Variants in MCTP1 observed in about 807,000 individuals in gnomAD.
The protein encoded by MCTP1 is multiple C2 and transmembrane domain-containing protein 1.
A neutral mutation model predicts 120.6 loss-of-function variants in MCTP1; 69 were observed. The ratio of observed to expected loss-of-function variants is 0.57; its 90% CI spans 0.47 to 0.70. MCTP1 has a LOEUF of 0.70. MCTP1 is among the 30% of genes least tolerant of loss of function. The pLI, the probability that MCTP1 is intolerant of heterozygous loss-of-function variation, is 0.00. For missense variants in MCTP1, 1,203 were observed against 1,248.8 expected (o/e 0.96, Z 0.55); for synonymous variants, 529 against 493.1 (o/e 1.07, Z -0.96).
At chr5:94,990,654 C>A (rs1307214161) in intron 2 of MCTP1, among the ~76,000 whole-genome samples, 2 of 152,284 alleles carry the variant, frequency 1.3e-5, no homozygotes, top group African/African-American at 4.8e-5. Flanking sequence ...AAAATTAGCA[C>A]AATCACAAGA....
chr5:94,903,892 G>A (rs1806149707), intron 10 of MCTP1, among the ~76,000 whole-genome samples: 1 of 152,124 alleles, frequency 6.6e-6, no homozygotes, highest in South Asian at 2.1e-4. Flanking sequence ...AAAACAACTT[G>A]TTCCCTGACA....
chr5:94,902,891 C>A (rs1805876729), intron 10 of MCTP1, among the ~76,000 whole-genome samples: 1 of 152,204 alleles, frequency 6.6e-6, no homozygotes, highest in South Asian at 2.1e-4. Context: ...GTAAACTACA[C>A]ACTATACATA....
chr5:94,977,350 T>C (rs1828337425), intron 2 of MCTP1, among the ~76,000 whole-genome samples: 1 of 152,120 alleles, frequency 6.6e-6, no homozygotes, highest in African/African-American at 2.4e-5. Context: ...AGTCATCTTG[T>C]GTTCATGAAT....
intron 1 of MCTP1, among the ~76,000 whole-genome samples, chr5:95,104,078 C>T (rs978287527): frequency 1.3e-5 from 2 of 152,086 alleles, no homozygotes; most frequent in Admixed American, 1.3e-4. Context: ...ACAGGAATGC[C>T]TTACGTATCA....
At chr5:95,020,775 G>A (rs1486346281) in intron 1 of MCTP1, among the ~76,000 whole-genome samples, 2 of 151,836 alleles carry the variant, frequency 1.3e-5, no homozygotes, top group Admixed American at 6.6e-5. Flanking sequence ...AGTGTACTGC[G>A]TGAAATAGGA....
chr5:94,865,617 G>T (rs1315472033), intron 17 of MCTP1, among the ~76,000 whole-genome samples: 1 of 151,844 alleles, frequency 6.6e-6, no homozygotes, highest in Non-Finnish European at 1.5e-5. Flanking sequence ...AATGTCTCTA[G>T]TTATACAATG....
intron 1 of MCTP1, among the ~76,000 whole-genome samples, chr5:95,092,305 CTG>C (rs1193323753): frequency 2.6e-5 from 4 of 152,074 alleles, no homozygotes; most frequent in Non-Finnish European, 5.9e-5. Context: ...CTAAAAGAAA[CTG>C]TTTCTTATTC....
chr5:95,241,899 CT>C (rs1756205979), intron 1 of MCTP1, among the ~76,000 whole-genome samples: 1 of 151,614 alleles, frequency 6.6e-6, no homozygotes, highest in Admixed American at 6.6e-5. Flanking sequence ...AAGTTACATG[CT>C]TTCCAAAAAA....
At chr5:94,834,786 G>A (rs2153175537) in intron 17 of MCTP1, among the ~76,000 whole-genome samples, 1 of 147,998 alleles carries the variant, frequency 6.8e-6, no homozygotes, top group East Asian at 2.0e-4. Context: ...TGGATTTAAT[G>A]ATAATGTGTC....
intron 1 of MCTP1, among the ~76,000 whole-genome samples, chr5:95,275,515 T>C (rs1369864969): frequency 3.9e-5 from 6 of 152,244 alleles, no homozygotes; most frequent in Admixed American, 3.9e-4. Flanking sequence ...TTTAGATCAG[T>C]GTTATCCAAT....
At chr5:95,276,135 G>T (rs1759806990) in intron 1 of MCTP1, among the ~76,000 whole-genome samples, 1 of 152,016 alleles carries the variant, frequency 6.6e-6, no homozygotes, top group African/African-American at 2.4e-5. Context: ...TAGACAGGAG[G>T]GGTCAATGTA....
At chr5:94,795,670 T>A (rs778461079) in intron 18 of MCTP1, among the ~76,000 whole-genome samples, 1 of 152,188 alleles carries the variant, frequency 6.6e-6, no homozygotes, top group Non-Finnish European at 1.5e-5. Flanking sequence ...ACAACTCTAA[T>A]GCTAGAAATT....
chr5:94,990,083 C>A (rs1831235361), intron 2 of MCTP1, among the ~76,000 whole-genome samples: 1 of 152,136 alleles, frequency 6.6e-6, no homozygotes, highest in Non-Finnish European at 1.5e-5. Context: ...GGTACAATCT[C>A]CTGATTTGTA....
chr5:94,766,126 A>C (rs2152875604), intron 19 of MCTP1, among the ~76,000 whole-genome samples: 1 of 152,268 alleles, frequency 6.6e-6, no homozygotes, highest in East Asian at 1.9e-4. Context: ...AGGCACCTGT[A>C]ATCCCAGCAA....
intron 13 of MCTP1, among the ~76,000 whole-genome samples, chr5:94,872,778 G>C (rs1266466966): frequency 6.6e-6 from 1 of 152,032 alleles, no homozygotes; most frequent in African/African-American, 2.4e-5. Flanking sequence ...TTCAGCAATG[G>C]AACAAATAGA....
intron 1 of MCTP1, among the ~76,000 whole-genome samples, chr5:95,244,508 C>T (rs578140528): frequency 5.3e-5 from 8 of 152,310 alleles, no homozygotes; most frequent in South Asian, 2.1e-4. Context: ...TCTTAGCAAC[C>T]GGCAGACCAG....
At chr5:94,876,460 C>T (rs1009529312) in intron 12 of MCTP1, among the ~76,000 whole-genome samples, 6 of 152,038 alleles carry the variant, frequency 3.9e-5, no homozygotes, top group African/African-American at 9.7e-5. Flanking sequence ...TATTCAATAC[C>T]GTGTGGCTAG....
intron 1 of MCTP1, among the ~76,000 whole-genome samples, chr5:95,101,786 C>G (rs1027776052): frequency 2.0e-5 from 3 of 152,198 alleles, no homozygotes; most frequent in African/African-American, 7.2e-5. Flanking sequence ...AATGAAGAAC[C>G]TGAATTATTC....
At chr5:95,113,436 G>A (rs1256094588) in intron 1 of MCTP1, among the ~76,000 whole-genome samples, 1 of 152,028 alleles carries the variant, frequency 6.6e-6, no homozygotes, top group East Asian at 1.9e-4. Flanking sequence ...CCCAAGCAGT[G>A]GCTGCATGGT....
Sources: allele counts gnomAD v4.1 joint callset (sites outside exome capture counted in the v4.1 genomes callset), GRCh38; gene constraint gnomAD v4.1.1; transcripts MANE v1.5; gene names NCBI Gene and HGNC (gene_info 2026-07-23, HGNC 2026-07-21).